Variants in KALRN observed in about 807,000 individuals in gnomAD.
The protein encoded by KALRN is kalirin.
KALRN carries 70 observed loss-of-function variants against 353.7 expected under a neutral mutation model. The observed-to-expected ratio is 0.20, with a 90% CI of 0.16 to 0.24. The LOEUF (loss-of-function observed/expected upper bound fraction) is 0.24. Among genes scored for constraint, KALRN ranks in the 10% least tolerant of loss-of-function variants. The pLI is 1.00. For missense variants in KALRN, 2,791 were observed against 3,756.7 expected (o/e 0.74, Z 6.72); for synonymous variants, 1,391 against 1,434.8 (o/e 0.97, Z 0.69).
chr3:124,376,116 T>G (rs960253959), intron 10 of KALRN, among the ~76,000 whole-genome samples: 2 of 152,176 alleles, frequency 1.3e-5, no homozygotes, highest in Non-Finnish European at 2.9e-5. Context: ...TTATTACGTA[T>G]GTAAATGTGA....
chr3:124,337,467 C>G (rs1174824504), intron 9 of KALRN, among the ~76,000 whole-genome samples: 2 of 152,170 alleles, frequency 1.3e-5, no homozygotes, highest in African/African-American at 4.8e-5. Context: ...GTATGTTGAA[C>G]CAGCCTTGCA....
At position 124,185,277 on chromosome 3, in the gene KALRN, A is replaced by G. The variant is rs140235192; in HGVS notation, c.74-42713A>G. Reference sequence around the variant, plus strand: ...ACCATCTGCCCGTCTTGGCCTCCCAAATTGCTGGGATTACAGGCGTGAGCC... The same window carrying G: ...ACCATCTGCCCGTCTTGGCCTCCCAGATTGCTGGGATTACAGGCGTGAGCC... On this transcript the variant is annotated intron_variant, in intron 1 of 59. Transcript: ENST00000682506. 2.1e-3 allele frequency among the ~76,000 whole-genome samples: 316 copies of G among 152,260 alleles called. 1 individual carries two copies. Among genetic ancestry groups the G allele is most frequent in the African/African-American group, 6.9e-3 (288 of 41,550 alleles).
intron 5 of KALRN, among the ~76,000 whole-genome samples, chr3:124,294,520 CTTTTTTTT>C (rs397990993): frequency 5.4e-5 from 4 of 73,894 alleles, no homozygotes; most frequent in Non-Finnish European, 7.3e-5. Flanking sequence ...AGATTCTCTT[CTTTTTTTT>C]TTTTTTTTTT....
At chr3:124,116,130 C>T (rs985248035) in intron 1 of KALRN, among the ~76,000 whole-genome samples, 7 of 152,202 alleles carry the variant, frequency 4.6e-5, no homozygotes, top group Non-Finnish European at 1.0e-4. Context: ...TGCAGCCCAG[C>T]TCTCTTCCCT....
In KALRN at chr3:124,556,435, G is replaced by A. The variant is rs1174947561; in HGVS notation, c.4936-6408G>A. ...AAATTATAATCAATTCAAGATAAAAGCACAGCACTAAGCTCTTTTAATGGA... is the reference window on the plus strand; with the variant it reads ...AAATTATAATCAATTCAAGATAAAAACACAGCACTAAGCTCTTTTAATGGA... On this transcript the variant is annotated intron_variant, in intron 33 of 59. Coordinates refer to ENST00000682506, the MANE Select transcript of KALRN (RefSeq NM_001388419.1). 5.9e-5 allele frequency among the ~76,000 whole-genome samples: 9 copies of A among 152,214 alleles called. No individual in the cohort carries two copies. The East Asian group carries it at 7.7e-4, about 13-fold the overall frequency.
At chr3:124,090,176 T>C (rs1204422487) in intron 1 of KALRN, among the ~76,000 whole-genome samples, 2 of 151,922 alleles carry the variant, frequency 1.3e-5, no homozygotes, top group South Asian at 2.1e-4. Context: ...TATTGACTGC[T>C]GGGGGAACTA....
At chr3:124,705,672 C>T (rs2062567280) in intron 57 of KALRN, among the ~76,000 whole-genome samples, 1 of 152,098 alleles carries the variant, frequency 6.6e-6, no homozygotes, top group South Asian at 2.1e-4. Flanking sequence ...GAGGCCTGGT[C>T]CTGCTACAAT....
intron 1 of KALRN, among the ~76,000 whole-genome samples, chr3:124,158,977 T>C (rs774308094): frequency 6.6e-6 from 1 of 152,184 alleles, no homozygotes; most frequent in Non-Finnish European, 1.5e-5. Flanking sequence ...TGGCCTGGAC[T>C]CAGGGCCCTA....
At chr3:124,507,383 AG>A (rs33998304) in intron 33 of KALRN, among the ~76,000 whole-genome samples, 1 of 152,248 alleles carries the variant, frequency 6.6e-6, no homozygotes, top group Non-Finnish European at 1.5e-5. Context: ...TACTGCCAAC[AG>A]GGGAATATGA....
intron 10 of KALRN, among the ~76,000 whole-genome samples, chr3:124,370,229 T>C (rs1019112189): frequency 3.3e-5 from 5 of 152,064 alleles, no homozygotes; most frequent in Non-Finnish European, 1.5e-5. Flanking sequence ...CCTTTAAGAT[T>C]TTTTTTATGA....
intron 3 of KALRN, among the ~76,000 whole-genome samples, chr3:124,261,123 C>T (rs1011384664): frequency 6.6e-6 from 1 of 151,118 alleles, no homozygotes; most frequent in African/African-American, 2.4e-5. Context: ...CTTCTGACCT[C>T]AAGTGATCTG....
intron 1 of KALRN, among the ~76,000 whole-genome samples, chr3:124,073,257 C>A (rs956075600): frequency 2.0e-4 from 31 of 152,208 alleles, no homozygotes; most frequent in African/African-American, 7.2e-4. Flanking sequence ...AGTACACACC[C>A]TTTACCTTGT....
chr3:124,211,891 G>C (rs1408892080), intron 1 of KALRN, among the ~76,000 whole-genome samples: 2 of 152,150 alleles, frequency 1.3e-5, no homozygotes, highest in East Asian at 3.9e-4. Flanking sequence ...CATGACTCTT[G>C]TGCCTTTTTG....
chr3:124,645,626 TTCTCTCTCTCTCTC>T (rs71145472), intron 37 of KALRN, among the ~76,000 whole-genome samples: 1 of 133,436 alleles, frequency 7.5e-6, no homozygotes, highest in African/African-American at 2.8e-5. Context: ...TGAATAATAT[TTCTCTCTCTCTCTC>T]TCTCTCTCTC....
intron 34 of KALRN, among the ~76,000 whole-genome samples, chr3:124,589,787 T>C (rs13078654): frequency 0.29 from 44,813 of 151,994 alleles, 7,329 homozygotes; most frequent in Middle Eastern, 0.4. Context: ...GTACCAAACT[T>C]TAAGGATGTT....
intron 1 of KALRN, among the ~76,000 whole-genome samples, chr3:124,079,185 A>C (rs1417745948): frequency 6.6e-6 from 1 of 152,152 alleles, no homozygotes; most frequent in African/African-American, 2.4e-5. Flanking sequence ...GCTGCAGAGG[A>C]AGCAGAGGGG....
chr3:124,264,357 G>T, intron 3 of KALRN, 141 bp from the exon 4 acceptor site: 2 of 666,172 alleles, frequency 3.0e-6, no homozygotes, highest in Non-Finnish European at 2.6e-6. Flanking sequence ...AGCTGAGTTT[G>T]AAGGTGGCCA....
At chr3:124,143,945 A>G (rs1015875198) in intron 1 of KALRN, among the ~76,000 whole-genome samples, 1 of 152,148 alleles carries the variant, frequency 6.6e-6, no homozygotes, top group Non-Finnish European at 1.5e-5. Context: ...ATGGGCAGTA[A>G]GGGGGGGATC....
chr3:124,095,028 T>C, intron 1 of KALRN: 2 of 925,062 alleles, frequency 2.2e-6, no homozygotes, highest in Non-Finnish European at 1.7e-6. Context: ...AGAGAAGGAA[T>C]GAAACAGAGG....
Sources: gnomAD v4.1 joint callset for allele counts (sites outside exome capture counted in the v4.1 genomes callset) on GRCh38, gnomAD v4.1.1 for gene constraint, MANE v1.5 for transcripts, NCBI Gene and HGNC (gene_info 2026-07-23, HGNC 2026-07-21) for gene names.